Variants in PDIA5 observed in about 807,000 individuals in gnomAD.
The protein encoded by PDIA5 is protein disulfide isomerase family A member 5.
PDIA5 carries 58 observed loss-of-function variants against 77.6 expected under a neutral mutation model. That is an observed-to-expected ratio of 0.75 (90% CI 0.61 to 0.93). PDIA5 has a LOEUF of 0.93. PDIA5 is among the 40% of genes least tolerant of loss of function. The pLI is 0.00. For missense variants in PDIA5, 630 were observed against 647.7 expected (o/e 0.97, Z 0.30); for synonymous variants, 250 against 252.1 (o/e 0.99, Z 0.08).
chr3:123,089,145 G>A (rs896054675), intron 1 of PDIA5, 23 bp from the exon 2 acceptor site: 15 of 1,609,266 alleles, frequency 9.3e-6, no homozygotes, highest in Non-Finnish European at 1.3e-5. Context: ...GGAACTCACA[G>A]TCGTTGGCTC....
chr3:123,089,249 C>G lies in PDIA5; in HGVS notation c.124C>G (p.Leu42Val). ...RISDPKDLKK[L>V]LRTRNNVLVL... ...CTCTGACCCCAAGGACTTGAAAAAA[C>G]TGCTCAGAACCCGGAATAATGTACT... Residue 42 changes from leucine to valine, a missense_variant, in exon 2 of 17, where the codon CTG (leucine) becomes GTG (valine). Coordinates refer to ENST00000316218, the MANE Select transcript of PDIA5 (RefSeq NM_006810.4). 3 of 1,614,126 alleles carry G rather than the reference C, an allele frequency of 1.9e-6. No individual in the cohort carries two copies. The South Asian group carries it at 3.3e-5, about 18-fold the overall frequency.
chr3:123,114,877 C>T lies in PDIA5; in HGVS notation c.542-1354C>T, dbSNP rs148176548. Reference sequence around the variant, plus strand: ...TGGCAGAACTTAAGCCCAGGGTTCGCGTACTGGGGTGTGTGTGAGTCCATC... The same window carrying T: ...TGGCAGAACTTAAGCCCAGGGTTCGTGTACTGGGGTGTGTGTGAGTCCATC... On this transcript the variant is annotated intron_variant, in intron 7 of 16. Transcript: ENST00000316218. Among the ~76,000 whole-genome samples the T allele has an allele frequency of 2.6e-5, 4 of 152,168 alleles. No homozygotes were observed. In the East Asian group the frequency reaches 7.7e-4, roughly 29 times the overall value.
At chr3:123,097,072 A>G (rs1305976768) in intron 3 of PDIA5, among the ~76,000 whole-genome samples, 1 of 152,166 alleles carries the variant, frequency 6.6e-6, no homozygotes, top group African/African-American at 2.4e-5. Context: ...ATTTCTCTGG[A>G]GCAGTCACAG....
intron 1 of PDIA5, among the ~76,000 whole-genome samples, chr3:123,069,122 G>A (rs1246609173): frequency 6.6e-6 from 1 of 152,230 alleles, no homozygotes; most frequent in African/African-American, 2.4e-5. Context: ...GAGGGAGCAT[G>A]CCAACAGGAG....
At chr3:123,110,267 A>G (rs959315805) in intron 6 of PDIA5, among the ~76,000 whole-genome samples, 1 of 152,202 alleles carries the variant, frequency 6.6e-6, no homozygotes, top group African/African-American at 2.4e-5. Flanking sequence ...TTGCTTAATA[A>G]CATGCCTGGC....
chr3:123,153,343 G>A (rs1935954998), intron 14 of PDIA5, among the ~76,000 whole-genome samples: 1 of 152,244 alleles, frequency 6.6e-6, no homozygotes, highest in African/African-American at 2.4e-5. Flanking sequence ...GCTGCCTGCA[G>A]GAGCTGTCTG....
intron 3 of PDIA5, among the ~76,000 whole-genome samples, chr3:123,095,371 G>C (rs1163752238): frequency 2.0e-5 from 3 of 152,154 alleles, no homozygotes; most frequent in Admixed American, 1.3e-4. Flanking sequence ...AGGATCCCTT[G>C]GTTCTTGTAA....
In PDIA5 at chr3:123,161,435, A is replaced by T; in HGVS notation, c.1459A>T (p.Lys487Ter). Residue 487 changes from lysine to a stop codon, truncating the protein, a stop_gained, in exon 16 of 17, where the codon AAG (lysine) becomes TAG (stop). Coordinates refer to ENST00000316218, the MANE Select transcript of PDIA5 (RefSeq NM_006810.4). LOFTEE classifies it high-confidence loss of function. ...CTACCACTATGGGAAGTTCGCAGAA[A>T]AGTATGACAGCGACCGCACAGTAAG... ...HYYHYGKFAE[K>*]YDSDRTELGF... 1 of 1,614,100 alleles carries T rather than the reference A, an allele frequency of 6.2e-7. No individual in the cohort carries two copies. Among genetic ancestry groups the T allele is most frequent in the Non-Finnish European group, 8.5e-7 (1 of 1,180,010 alleles).
At chr3:123,100,297 C>T (rs372130212) in intron 3 of PDIA5, among the ~76,000 whole-genome samples, 15 of 152,352 alleles carry the variant, frequency 9.8e-5, no homozygotes, top group Admixed American at 6.5e-4. Flanking sequence ...CCCTGCGGGA[C>T]GGGGCACACC....
At chr3:123,078,091 A>G (rs1207456820) in intron 1 of PDIA5, among the ~76,000 whole-genome samples, 1 of 152,202 alleles carries the variant, frequency 6.6e-6, no homozygotes, top group Non-Finnish European at 1.5e-5. Flanking sequence ...TACAGGCATG[A>G]GCCACCGTGC....
At chr3:123,070,145 T>C (rs1463452227) in intron 1 of PDIA5, among the ~76,000 whole-genome samples, 2 of 152,016 alleles carry the variant, frequency 1.3e-5, no homozygotes, top group East Asian at 3.9e-4. Context: ...TTGCAATGTT[T>C]ATAAAGAATA....
chr3:123,072,305 G>T (rs1045569228), intron 1 of PDIA5, among the ~76,000 whole-genome samples: 2 of 152,308 alleles, frequency 1.3e-5, no homozygotes, highest in Non-Finnish European at 1.5e-5. Flanking sequence ...TGGTGGTAAT[G>T]ATATCCATCT....
intron 1 of PDIA5, among the ~76,000 whole-genome samples, chr3:123,069,300 A>T (rs72974420): frequency 0.014 from 2,089 of 152,320 alleles, 49 homozygotes; most frequent in African/African-American, 0.047. Context: ...CCTGAAGGGT[A>T]TAAAGGCATC....
rs1163048121 is a variant in PDIA5, at chr3:123,145,538, G to A, written c.927G>A (p.Lys309=). Residue 309 remains lysine (K), a synonymous_variant, in exon 12 of 17, where the codon AAG becomes AAA. Coordinates refer to ENST00000316218, the MANE Select transcript of PDIA5 (RefSeq NM_006810.4). ...MFHAPWCGHC[K]KMKPEFEKAA... ...TCCCCACAGGGTGTGGCCACTGTAA[G>A]AAAATGAAGCCGGAGTTTGAGAAGG... 3.7e-6 allele frequency: 6 copies of A among 1,613,982 alleles called. No individual in the cohort carries two copies. Among genetic ancestry groups the A allele is most frequent in the Non-Finnish European group, 5.1e-6 (6 of 1,179,924 alleles).
chr3:123,071,739 T>G (rs1186180009), intron 1 of PDIA5, among the ~76,000 whole-genome samples: 2 of 152,020 alleles, frequency 1.3e-5, no homozygotes, highest in Non-Finnish European at 2.9e-5. Context: ...GAGCAAGGTG[T>G]GGACTGGCCT....
At chr3:123,145,459 G>T in intron 11 of PDIA5, 63 bp from the exon 12 acceptor site, 1 of 1,266,112 alleles carries the variant, frequency 7.9e-7, no homozygotes, top group South Asian at 1.2e-5. Context: ...CAGAGGCGGC[G>T]CAGGGGAGCA....
rs537205565 is a variant in PDIA5, at chr3:123,102,664, A to G, written c.342-87A>G. The G allele has an allele frequency of 1.1e-4, 128 of 1,210,146 alleles. 3 individuals carry two copies. In the South Asian group the frequency reaches 1.5e-3, roughly 14 times the overall value. The allele number at this position is 1,210,146 out of a possible 1,614,324, so 75.0% of individuals were successfully genotyped here. A position where few individuals can be genotyped will look rare whatever the true frequency, so the allele number is the denominator to read the frequency against. On this transcript the variant is annotated intron_variant, in intron 4 of 16. Transcript: ENST00000316218. Reference sequence around the variant, plus strand: ...AATCCTGAACTCCGTTCAAAAGCTGAATCTTATTAAGATGCTGCAGGAAAC... The same window carrying G: ...AATCCTGAACTCCGTTCAAAAGCTGGATCTTATTAAGATGCTGCAGGAAAC...
At chr3:123,114,503 C>T (rs2107945732) in intron 7 of PDIA5, among the ~76,000 whole-genome samples, 1 of 152,332 alleles carries the variant, frequency 6.6e-6, no homozygotes, top group East Asian at 1.9e-4. Flanking sequence ...AGGCCACTTG[C>T]CCAAGATCAC....
In PDIA5 at chr3:123,146,267, TTA is replaced by T. The variant is rs750543188; in HGVS notation, c.1142+9_1142+10del. ...TCTCGAGTGGATGCAAAAGTAAGTG[TTA>T]CGATCTCAGTAGCACATCCTAACTG... On this transcript the variant is annotated intron_variant, in intron 13 of 16. Coordinates refer to ENST00000316218, the MANE Select transcript of PDIA5 (RefSeq NM_006810.4). 5.0e-6 allele frequency: 8 copies of T among 1,612,468 alleles called. No individual in the cohort carries two copies. The African/African-American group carries it at 1.1e-4, about 22-fold the overall frequency.
Sources: allele counts gnomAD v4.1 joint callset (sites outside exome capture counted in the v4.1 genomes callset), GRCh38; gene constraint gnomAD v4.1.1; transcripts MANE v1.5; gene names NCBI Gene and HGNC (gene_info 2026-07-23, HGNC 2026-07-21).